Variants in GLI2 observed in about 807,000 individuals in gnomAD.
GLI2 encodes transcription activator GLI2.
In GLI2, 22 loss-of-function variants were observed where a neutral mutation model predicts 78.9. That is an observed-to-expected ratio of 0.28 (90% CI 0.20 to 0.40). The LOEUF is 0.40. Ranked by LOEUF, GLI2 falls within the 10% of genes least tolerant of loss-of-function variation. The pLI is 1.00. For missense variants in GLI2, 2,097 were observed against 2,213.2 expected, an observed-to-expected ratio of 0.95 and a Z score of 1.05; for synonymous variants, 974 against 963.7, an observed-to-expected ratio of 1.01 and a Z score of -0.20.
chr2:120,952,875 G>C (rs911461617), intron 4 of GLI2, among the ~76,000 whole-genome samples: 1 of 152,222 alleles, frequency 6.6e-6, no homozygotes, highest in Non-Finnish European at 1.5e-5. Flanking sequence ...CCCATGATGG[G>C]CTGACCAAGA....
At chr2:120,887,394 C>T (rs1016152078) in intron 2 of GLI2, among the ~76,000 whole-genome samples, 3 of 152,242 alleles carry the variant, frequency 2.0e-5, no homozygotes, top group Non-Finnish European at 2.9e-5. Context: ...ACCCTCTCAC[C>T]GTGCTCTTTT....
Position 120,799,597 on chromosome 2 carries a change from G to A in GLI2, c.148+2129G>A, listed in dbSNP as rs139793945. The stretch of plus-strand genomic sequence containing the variant: ...AAGTCTCCTAGTGCTGGTAAAATGC[G>A]ACGGCTGCATTCGTGGATGGGATGG... On this transcript the variant is annotated intron_variant, in intron 2 of 13. Coordinates refer to ENST00000361492, the MANE Select transcript of GLI2 (RefSeq NM_001374353.1). 2.0e-4 allele frequency among the ~76,000 whole-genome samples: 30 copies of A among 152,360 alleles called. No homozygotes were observed. The East Asian group carries it at 3.3e-3, about 17-fold the overall frequency.
chr2:120,801,078 C>A (rs1349982114), intron 2 of GLI2, among the ~76,000 whole-genome samples: 1 of 152,142 alleles, frequency 6.6e-6, no homozygotes, highest in Non-Finnish European at 1.5e-5. Context: ...GCTAGAATTG[C>A]ATGGCTTGAG....
intron 2 of GLI2, among the ~76,000 whole-genome samples, chr2:120,905,391 TGCCGACTTCCAGCCA>T (rs1678473724): frequency 6.6e-6 from 1 of 152,150 alleles, no homozygotes; most frequent in Non-Finnish European, 1.5e-5. Context: ...GGGGCCAGCG[TGCCGACTTCCAGCCA>T]GCCAGGGAGT....
At position 120,984,561 on chromosome 2, in the gene GLI2, G is replaced by A. The variant is rs533664830; in HGVS notation, c.1723G>A (p.Asp575Asn). ...GCATGTGAAAACGGTCCACGGCCCAGATGCCCACGTCACCAAGAAGCAGCG... is the reference window on the plus strand; with the variant it reads ...GCATGTGAAAACGGTCCACGGCCCAAATGCCCACGTCACCAAGAAGCAGCG... ...RKHVKTVHGP[D>N]AHVTKKQRND... The change falls in exon 12 of 14, where the codon GAT becomes AAT. Residue 575 changes from aspartate to asparagine, a missense_variant. Coordinates refer to ENST00000361492, the MANE Select transcript of GLI2 (RefSeq NM_001374353.1). 1 of 1,614,220 alleles carries A rather than the reference G, an allele frequency of 6.2e-7. No homozygotes were observed. Among genetic ancestry groups the A allele is most frequent in the South Asian group, 1.1e-5 (1 of 91,078 alleles).
At chr2:120,897,772 T>A (rs1678051686) in intron 2 of GLI2, among the ~76,000 whole-genome samples, 1 of 152,136 alleles carries the variant, frequency 6.6e-6, no homozygotes, top group Admixed American at 6.5e-5. Context: ...GTACAATGAG[T>A]GGGTTTGACT....
At chr2:120,780,945 C>G (rs1207525467) in intron 1 of GLI2, among the ~76,000 whole-genome samples, 1 of 152,192 alleles carries the variant, frequency 6.6e-6, no homozygotes, top group Non-Finnish European at 1.5e-5. Flanking sequence ...CGTGGCAGCC[C>G]CAGCTGCCCT....
intron 1 of GLI2, among the ~76,000 whole-genome samples, chr2:120,766,790 T>C (rs1438410003): frequency 6.6e-6 from 1 of 152,142 alleles, no homozygotes; most frequent in East Asian, 1.9e-4. Context: ...AAGAAACCGG[T>C]GGCCATCATC....
chr2:120,849,953 T>C (rs1383804175), intron 2 of GLI2, among the ~76,000 whole-genome samples: 3 of 152,052 alleles, frequency 2.0e-5, no homozygotes, highest in Non-Finnish European at 4.4e-5. Context: ...ATATGATAGT[T>C]GAAATAAAAA....
At position 120,990,083 on chromosome 2, in the gene GLI2, A is replaced by C. The variant is rs917282260; in HGVS notation, c.4118A>C (p.Gln1373Pro). 6 of 1,598,422 alleles carry C rather than the reference A, an allele frequency of 3.8e-6. No homozygotes were observed. The South Asian group carries it at 6.7e-5, about 18-fold the overall frequency. Residue 1373 changes from glutamine (Q) to proline (P), a missense_variant, in exon 14 of 14, where the codon CAG (glutamine) becomes CCG (proline). Gln to Pro is a moderately conservative substitution (Grantham distance 76). Around this residue, in one of 5 missense-constraint regions of GLI2, gnomAD observed 1,290 missense variants for 1,261.7 expected, o/e 1.02. Transcript: ENST00000361492. ...CGCCACCGTGGGGTACGTGCTGTGC[A>C]GCAGCAGCTGGCCTACGCCAGGGCC... ...TGRHRGVRAV[Q>P]QQLAYARATG...
intron 2 of GLI2, among the ~76,000 whole-genome samples, chr2:120,849,392 C>T (rs1217416689): frequency 2.6e-5 from 4 of 152,158 alleles, no homozygotes; most frequent in African/African-American, 9.7e-5. Context: ...TCCTCTCAAC[C>T]TCCCATATAG....
intron 12 of GLI2, 34 bp downstream of exon 12, chr2:120,984,777 C>T (rs1256753229): frequency 1.1e-5 from 17 of 1,607,614 alleles, no homozygotes; most frequent in East Asian, 2.2e-5. Flanking sequence ...CCACGCAAGG[C>T]GACTCCATAG....
At chr2:120,763,653 C>A (rs551579140) in intron 1 of GLI2, among the ~76,000 whole-genome samples, 3 of 152,328 alleles carry the variant, frequency 2.0e-5, no homozygotes, top group Admixed American at 2.0e-4. Context: ...GACAGAGGGG[C>A]CTGCCTTCTA....
chr2:120,987,349 C>A (rs1176501032), intron 13 of GLI2, among the ~76,000 whole-genome samples: 1 of 152,198 alleles, frequency 6.6e-6, no homozygotes, highest in Non-Finnish European at 1.5e-5. Flanking sequence ...ACTCTCAGCC[C>A]CCTACAGGGA....
intron 2 of GLI2, among the ~76,000 whole-genome samples, chr2:120,908,266 G>T (rs1197062119): frequency 1.3e-5 from 2 of 152,190 alleles, no homozygotes; most frequent in African/African-American, 4.8e-5. Flanking sequence ...GCTGGCCATT[G>T]GGGAAGGTGC....
At chr2:120,871,769 C>A (rs1158886933) in intron 2 of GLI2, among the ~76,000 whole-genome samples, 1 of 152,180 alleles carries the variant, frequency 6.6e-6, no homozygotes, top group Non-Finnish European at 1.5e-5. Flanking sequence ...AATGCATGTT[C>A]AATGTAGCAA....
At chr2:120,898,177 AACACACACACACACACACACAC>A (rs55794893) in intron 2 of GLI2, among the ~76,000 whole-genome samples, 3 of 140,228 alleles carry the variant, frequency 2.1e-5, no homozygotes, top group African/African-American at 5.4e-5. Context: ...TATAGATTAA[AACACACACACACACACACACAC>A]ACACACACAC....
At chr2:120,977,976 G>A (rs751880704) in intron 9 of GLI2, among the ~76,000 whole-genome samples, 31 of 152,230 alleles carry the variant, frequency 2.0e-4, no homozygotes, top group Non-Finnish European at 1.2e-4. Flanking sequence ...AAGCTTAGGA[G>A]AGGCTTCTCA....
At chr2:120,788,821 C>T (rs1684066851) in intron 1 of GLI2, among the ~76,000 whole-genome samples, 1 of 152,092 alleles carries the variant, frequency 6.6e-6, no homozygotes, top group African/African-American at 2.4e-5. Flanking sequence ...GCTTTGGCCA[C>T]CCCCTCAACT....
Sources: allele counts gnomAD v4.1 joint callset (sites outside exome capture counted in the v4.1 genomes callset), GRCh38; gene constraint gnomAD v4.1.1; regional missense constraint gnomAD v4.1.1; transcripts MANE v1.5; gene names NCBI Gene and HGNC (gene_info 2026-07-23, HGNC 2026-07-21).